The following KANSL1 variants were observed in gnomAD, a reference collection of about 807,000 sequenced individuals.
KANSL1 encodes the protein MLL1/MLL complex subunit KANSL1.
Under a neutral mutation model 103.6 loss-of-function variants are expected in KANSL1, and 22 were observed. The ratio of observed to expected loss-of-function variants is 0.21; its 90% CI spans 0.15 to 0.30. KANSL1 has a LOEUF of 0.30. Among genes scored for constraint, KANSL1 ranks in the 10% least tolerant of loss-of-function variants. The pLI is 1.00. For missense variants in KANSL1, 1,337 were observed against 1,399.8 expected (o/e 0.96, Z 0.72); for synonymous variants, 600 against 527.6 (o/e 1.14, Z -1.88).
intron 4 of KANSL1, among the ~76,000 whole-genome samples, chr17:46,071,993 C>CT (rs2078597233): frequency 6.7e-6 from 1 of 149,064 alleles, no homozygotes; most frequent in Non-Finnish European, 1.5e-5. Flanking sequence ...CCCCTCCCCC[C>CT]GCCCCGATTG....
At chr17:46,201,417 CA>C (rs1296523305) in intron 1 of KANSL1, among the ~76,000 whole-genome samples, 1 of 152,104 alleles carries the variant, frequency 6.6e-6, no homozygotes, top group Non-Finnish European at 1.5e-5. Context: ...ACAGGTTGAC[CA>C]TCCCTAATCT....
At position 46,039,221 on chromosome 17, in the gene KANSL1, G is replaced by C. The variant is rs1199674472; in HGVS notation, c.2204-6C>G. 1.9e-6 allele frequency: 3 copies of C among 1,553,922 alleles called. No individual in the cohort carries two copies. Among genetic ancestry groups the C allele is most frequent in the Non-Finnish European group, 2.6e-6 (3 of 1,156,210 alleles). On this transcript the variant is annotated splice_region_variant and splice_polypyrimidine_tract_variant and intron_variant, in intron 8 of 14. Transcript: ENST00000432791. The stretch of plus-strand genomic sequence containing the variant: ...GGTTTGGTGATGGGACAGCTCTGAA[G>C]AGGGGAACAGAAAAAGAGCTGTGAA...
At chr17:46,123,061 G>A (rs2043354426) in intron 2 of KANSL1, among the ~76,000 whole-genome samples, 2 of 152,208 alleles carry the variant, frequency 1.3e-5, no homozygotes, top group Non-Finnish European at 2.9e-5. Context: ...ATGTTTTCTG[G>A]TAAAATAGCT....
intron 2 of KANSL1, among the ~76,000 whole-genome samples, chr17:46,122,368 A>G (rs190180477): frequency 3.9e-5 from 6 of 152,266 alleles, no homozygotes; most frequent in African/African-American, 1.4e-4. Context: ...TGGGTAGGAC[A>G]CAAGCATATT....
intron 2 of KANSL1, among the ~76,000 whole-genome samples, chr17:46,166,339 C>A (rs1161765182): frequency 1.3e-5 from 2 of 152,126 alleles, no homozygotes; most frequent in South Asian, 4.1e-4. Context: ...TGGCAAAACC[C>A]TGCCTCTACT....
Position 46,220,555 on chromosome 17 carries a change from C to A in KANSL1, c.-90+3116G>T, listed in dbSNP as rs183804214. 2.2e-4 allele frequency among the ~76,000 whole-genome samples: 33 copies of A among 152,352 alleles called. 1 individual carries two copies. The East Asian group carries it at 6.2e-3, about 29-fold the overall frequency. On this transcript the variant is annotated intron_variant, in intron 1 of 14. Coordinates refer to the KANSL1 transcript ENST00000572904. ...TCTATTTAATTTTTAAAATCTGATA[C>A]AAACATCAGAAAGTGTAAAAAGATA...
At chr17:46,196,796 T>C (rs1210784921), upstream of KANSL1, 1 of 205,150 alleles carries the variant, frequency 4.9e-6, no homozygotes, top group Non-Finnish European at 9.9e-6. Flanking sequence ...ACTAATCTTA[T>C]TATTTCTTCC....
upstream of KANSL1, among the ~76,000 whole-genome samples, chr17:46,197,161 G>A (rs2047639556): frequency 6.6e-6 from 1 of 152,158 alleles, no homozygotes; most frequent in African/African-American, 2.4e-5. Flanking sequence ...AAGAAAAAAG[G>A]AAAAGGTGTT....
In KANSL1 at chr17:46,108,936, A is replaced by C. The variant is rs1276794707; in HGVS notation, c.1290-14235T>G. Among the ~76,000 whole-genome samples, 5 of 152,188 alleles carry C rather than the reference A, an allele frequency of 3.3e-5. No individual in the cohort carries two copies. In the East Asian group the frequency reaches 7.7e-4, roughly 23 times the overall value. The stretch of plus-strand genomic sequence containing the variant: ...GCTATATTACAAAGTGAAAACTACT[A>C]ACAAGATATTTGAGAGCTCTTCTTT... On this transcript the variant is annotated intron_variant, in intron 2 of 14. Transcript: ENST00000432791.
At chr17:46,094,507 C>A in intron 3 of KANSL1, 53 bp downstream of exon 3, 1 of 1,580,196 alleles carries the variant, frequency 6.3e-7, no homozygotes, top group Non-Finnish European at 8.6e-7. Context: ...GTGAGAAAAG[C>A]GATATTGATA....
chr17:46,076,873 ATAT>A (rs1272305843), intron 4 of KANSL1, among the ~76,000 whole-genome samples: 1 of 152,136 alleles, frequency 6.6e-6, no homozygotes, highest in Non-Finnish European at 1.5e-5. Context: ...ATTGACTTTT[ATAT>A]ATTGACCCCG....
At chr17:46,196,201 G>A (rs895724957), upstream of KANSL1, 23 of 407,628 alleles carry the variant, frequency 5.6e-5, no homozygotes, top group Non-Finnish European at 1.0e-4. Context: ...TCATGCCATT[G>A]TAGTCCAACC....
chr17:46,047,181 A>C (rs761716460), intron 7 of KANSL1, among the ~76,000 whole-genome samples: 2 of 152,214 alleles, frequency 1.3e-5, no homozygotes, highest in Non-Finnish European at 2.9e-5. Context: ...TTGGTAACAA[A>C]AGCCAAAAAT....
At chr17:46,105,947 ACCC>A (rs67725690) in intron 2 of KANSL1, among the ~76,000 whole-genome samples, 985 of 57,644 alleles carry the variant, frequency 0.017, 25 homozygotes, top group East Asian at 0.037. Context: ...ACACACACAC[ACCC>A]CCCCAGAAGG....
At chr17:46,146,677 C>T (rs1319393272) in intron 2 of KANSL1, among the ~76,000 whole-genome samples, 1 of 143,936 alleles carries the variant, frequency 6.9e-6, no homozygotes, top group African/African-American at 2.5e-5. Flanking sequence ...ACTAAAAATA[C>T]AAAAAATTAG....
intron 6 of KANSL1, among the ~76,000 whole-genome samples, chr17:46,062,986 G>T (rs1283097994): frequency 2.0e-5 from 3 of 152,112 alleles, no homozygotes; most frequent in Admixed American, 6.5e-5. Flanking sequence ...GGAGGAGGAG[G>T]TTGCAGTGAG....
At chr17:46,141,767 A>G (rs2044433174) in intron 2 of KANSL1, among the ~76,000 whole-genome samples, 1 of 152,266 alleles carries the variant, frequency 6.6e-6, no homozygotes, top group South Asian at 2.1e-4. Flanking sequence ...CAAAGAAAGT[A>G]ATACAAAATT....
intron 10 of KANSL1, 82 bp from the exon 11 acceptor site, chr17:46,034,367 A>C: frequency 6.7e-7 from 1 of 1,501,374 alleles, no homozygotes; most frequent in Non-Finnish European, 9.2e-7. Context: ...AAGCAGGATC[A>C]CCAATAACCA....
intron 3 of KANSL1, among the ~76,000 whole-genome samples, chr17:46,090,199 C>A (rs942769031): frequency 1.3e-5 from 2 of 152,204 alleles, no homozygotes; most frequent in Non-Finnish European, 2.9e-5. Flanking sequence ...CAAGGACTAG[C>A]ACAATATCAG....
Sources: gnomAD v4.1 joint callset for allele counts (sites outside exome capture counted in the v4.1 genomes callset) on GRCh38, gnomAD v4.1.1 for gene constraint, MANE v1.5 for transcripts, NCBI Gene and HGNC (gene_info 2026-07-23, HGNC 2026-07-21) for gene names.